The following SLC9A9 variants were observed in gnomAD, a reference collection of about 807,000 sequenced individuals.
The protein encoded by SLC9A9 is sodium/hydrogen exchanger 9.
SLC9A9 carries 62 observed loss-of-function variants against 77.8 expected under a neutral mutation model. The observed-to-expected ratio is 0.80, with a 90% confidence interval of 0.65 to 0.98. The LOEUF (loss-of-function observed/expected upper bound fraction) is 0.98. SLC9A9 is among the 50% of genes least tolerant of loss of function. The pLI, the probability that SLC9A9 is intolerant of heterozygous loss-of-function variation, is 0.00. For missense variants in SLC9A9, 775 were observed against 774.9 expected, an observed-to-expected ratio of 1.00 and a Z score of 0.00; for synonymous variants, 320 against 283.5, an observed-to-expected ratio of 1.13 and a Z score of -1.29.
At chr3:143,700,466 A>T (rs754134245) in intron 4 of SLC9A9, among the ~76,000 whole-genome samples, 10 of 152,140 alleles carry the variant, frequency 6.6e-5, no homozygotes, top group Non-Finnish European at 1.3e-4. Flanking sequence ...TAGGCCAGGT[A>T]GCATTAACTG....
chr3:143,364,837 T>C (rs2032856190), intron 13 of SLC9A9, among the ~76,000 whole-genome samples: 1 of 152,206 alleles, frequency 6.6e-6, no homozygotes, highest in Non-Finnish European at 1.5e-5. Flanking sequence ...TTAAGATCTC[T>C]GATTTTTCAA....
intron 1 of SLC9A9, among the ~76,000 whole-genome samples, chr3:143,834,673 G>A (rs558440579): frequency 7.0e-6 from 1 of 142,352 alleles, no homozygotes; most frequent in African/African-American, 2.6e-5. Context: ...GCAAGTCTTT[G>A]TCATAATAGT....
chr3:143,498,721 C>A (rs2035881118), intron 9 of SLC9A9, among the ~76,000 whole-genome samples: 1 of 152,062 alleles, frequency 6.6e-6, no homozygotes, highest in Non-Finnish European at 1.5e-5. Context: ...TCTTCTCTCT[C>A]ACAATATCTC....
intron 14 of SLC9A9, among the ~76,000 whole-genome samples, chr3:143,301,933 G>A (rs903051118): frequency 1.3e-5 from 2 of 152,204 alleles, no homozygotes; most frequent in African/African-American, 4.8e-5. Flanking sequence ...ACCAGGAGGG[G>A]CCAACCCTTG....
At chr3:143,625,202 T>C (rs528953588) in intron 6 of SLC9A9, among the ~76,000 whole-genome samples, 2 of 152,224 alleles carry the variant, frequency 1.3e-5, no homozygotes, top group Non-Finnish European at 2.9e-5. Flanking sequence ...AGGCAATTTA[T>C]AAATTCAATG....
intron 4 of SLC9A9, among the ~76,000 whole-genome samples, chr3:143,785,892 T>A: frequency 7.2e-6 from 1 of 139,016 alleles, no homozygotes; most frequent in East Asian, 2.2e-4. Context: ...AGTTTCGCTC[T>A]GTCGCCCAGG....
intron 6 of SLC9A9, among the ~76,000 whole-genome samples, chr3:143,631,650 G>T (rs1236545854): frequency 6.6e-6 from 1 of 152,128 alleles, no homozygotes; most frequent in South Asian, 2.1e-4. Context: ...TGGTCCCTAG[G>T]CTCAGTTTGG....
intron 12 of SLC9A9, among the ~76,000 whole-genome samples, chr3:143,392,380 G>A (rs893120302): frequency 1.3e-5 from 2 of 152,028 alleles, no homozygotes; most frequent in African/African-American, 4.8e-5. Flanking sequence ...AAATAAAATC[G>A]TTTACAGACA....
chr3:143,664,023 A>G (rs1028904648), intron 5 of SLC9A9, among the ~76,000 whole-genome samples: 1 of 152,148 alleles, frequency 6.6e-6, no homozygotes, highest in Non-Finnish European at 1.5e-5. Flanking sequence ...CGAGACACGT[A>G]ATTGTCAGAT....
At chr3:143,795,281 GAA>G (rs776525691) in intron 3 of SLC9A9, among the ~76,000 whole-genome samples, 7 of 72,170 alleles carry the variant, frequency 9.7e-5, no homozygotes, top group South Asian at 4.8e-4. Context: ...TCAAGAAGCA[GAA>G]AAAAAAAAAA....
At chr3:143,684,233 C>A (rs1933191313) in intron 5 of SLC9A9, among the ~76,000 whole-genome samples, 1 of 151,924 alleles carries the variant, frequency 6.6e-6, no homozygotes, top group Non-Finnish European at 1.5e-5. Context: ...TGTGAAGCAT[C>A]TGTGATGATC....
chr3:143,756,268 T>C (rs2006921354), intron 4 of SLC9A9, among the ~76,000 whole-genome samples: 1 of 152,226 alleles, frequency 6.6e-6, no homozygotes, highest in Admixed American at 6.5e-5. Flanking sequence ...AAAGAAAAGC[T>C]GATCTTCACA....
intron 12 of SLC9A9, among the ~76,000 whole-genome samples, chr3:143,458,060 G>C (rs536291059): frequency 6.6e-6 from 1 of 152,070 alleles, no homozygotes; most frequent in East Asian, 1.9e-4. Flanking sequence ...GTGTTAATTT[G>C]TCTCTCTTCC....
At chr3:143,757,554 G>A (rs1370222877) in intron 4 of SLC9A9, among the ~76,000 whole-genome samples, 1 of 152,060 alleles carries the variant, frequency 6.6e-6, no homozygotes, top group East Asian at 1.9e-4. Context: ...GGACTTTCCT[G>A]CTCATTGCAA....
intron 4 of SLC9A9, among the ~76,000 whole-genome samples, chr3:143,702,543 C>T (rs570087675): frequency 1.0e-5 from 1 of 96,718 alleles, no homozygotes; most frequent in East Asian, 5.3e-4. Flanking sequence ...CTAATGAAAA[C>T]TGCAAATCAA....
chr3:143,491,912 A>T (rs1190440739), intron 11 of SLC9A9, among the ~76,000 whole-genome samples: 1 of 152,206 alleles, frequency 6.6e-6, no homozygotes, highest in Non-Finnish European at 1.5e-5. Flanking sequence ...CTGGCTTCCC[A>T]TTTATGAGTG....
intron 14 of SLC9A9, among the ~76,000 whole-genome samples, chr3:143,317,628 AGCAGTGTCTG>A (rs2031259004): frequency 6.6e-6 from 1 of 152,044 alleles, no homozygotes; most frequent in African/African-American, 2.4e-5. Context: ...TTTTAAAGAA[AGCAGTGTCTG>A]TCTACAAATT....
intron 12 of SLC9A9, among the ~76,000 whole-genome samples, chr3:143,390,909 G>T (rs563907919): frequency 6.6e-6 from 1 of 152,216 alleles, no homozygotes; most frequent in Non-Finnish European, 1.5e-5. Flanking sequence ...GGGGAGGGGT[G>T]CCCACCATTG....
At chr3:143,530,317 C>A (rs2036483056) in intron 9 of SLC9A9, among the ~76,000 whole-genome samples, 1 of 152,196 alleles carries the variant, frequency 6.6e-6, no homozygotes, top group African/African-American at 2.4e-5. Context: ...GGGCTGTTTC[C>A]CCCATACTGT....
Sources: allele counts gnomAD v4.1 joint callset (sites outside exome capture counted in the v4.1 genomes callset), GRCh38; gene constraint gnomAD v4.1.1; transcripts MANE v1.5; gene names NCBI Gene and HGNC (gene_info 2026-07-23, HGNC 2026-07-21).